Variants in NRXN1 observed in about 807,000 individuals in gnomAD.
NRXN1 encodes neurexin 1.
Under a neutral mutation model 150.9 loss-of-function variants are expected in NRXN1, and 39 were observed. The ratio of observed to expected loss-of-function variants is 0.26; its 90% CI spans 0.20 to 0.34. The LOEUF is 0.34. Ranked by LOEUF, NRXN1 falls within the 10% of genes least tolerant of loss-of-function variation. NRXN1 has a pLI of 1.00. For synonymous variants in NRXN1, 924 were observed against 757.0 expected (o/e 1.22, Z -3.62); for missense variants, 1,815 against 1,949.9 (o/e 0.93, Z 1.30).
At chr2:50,740,246 T>G (rs1397519758) in intron 5 of NRXN1, among the ~76,000 whole-genome samples, 1 of 152,160 alleles carries the variant, frequency 6.6e-6, no homozygotes, top group African/African-American at 2.4e-5. Flanking sequence ...ACCCTTCTAA[T>G]GCCTGTGACT....
intron 2 of NRXN1, among the ~76,000 whole-genome samples, chr2:50,984,850 A>G (rs1697436988): frequency 6.6e-6 from 1 of 152,036 alleles, no homozygotes; most frequent in Non-Finnish European, 1.5e-5. Context: ...ATTAGTTTGT[A>G]TTTACCCCAA....
chr2:50,128,962 G>A lies in NRXN1; in HGVS notation c.3547-37468C>T, dbSNP rs150940508. 3.6e-3 allele frequency among the ~76,000 whole-genome samples: 550 copies of A among 150,772 alleles called. 4 individuals carry two copies. The highest frequency in any genetic ancestry group is 0.012 in the African/African-American group (506 of 40,814). ...CACACCACTGCACTCCATCATGAGC[G>A]ACAAGAGTGAGACTCCATCTCAATA... On this transcript the variant is annotated intron_variant, in intron 18 of 22. Transcript: ENST00000401669.
intron 17 of NRXN1, among the ~76,000 whole-genome samples, chr2:50,395,998 T>C (rs991957155): frequency 6.6e-6 from 1 of 152,152 alleles, no homozygotes; most frequent in Non-Finnish European, 1.5e-5. Context: ...ATGTCTAGAG[T>C]ATCCTTACCA....
chr2:50,875,394 C>T lies in NRXN1; in HGVS notation c.832+46475G>A, dbSNP rs189085499. ...GTACACTCTCCAACCATGAGACAAT[C>T]CATCTAAAGATGAAAGATGAGTAAC... On this transcript the variant is annotated intron_variant, in intron 5 of 22. Transcript: ENST00000401669. Among the ~76,000 whole-genome samples the T allele has an allele frequency of 1.3e-4, 20 of 151,748 alleles. No homozygotes were observed. The East Asian group carries it at 3.9e-3, about 30-fold the overall frequency.
chr2:50,463,166 A>G (rs1223284365), intron 17 of NRXN1, among the ~76,000 whole-genome samples: 1 of 151,828 alleles, frequency 6.6e-6, no homozygotes, highest in African/African-American at 2.4e-5. Flanking sequence ...CTATTTGTGC[A>G]TCTTAGAGAA....
intron 5 of NRXN1, among the ~76,000 whole-genome samples, chr2:50,785,685 C>G (rs546308050): frequency 6.6e-6 from 1 of 152,202 alleles, no homozygotes; most frequent in Admixed American, 6.6e-5. Flanking sequence ...GAGAGAAAGT[C>G]TGAAGAAGCA....
chr2:50,236,685 C>G (rs2065466719), intron 18 of NRXN1, 104 bp downstream of exon 18: 3 of 965,536 alleles, frequency 3.1e-6, no homozygotes, highest in Non-Finnish European at 4.9e-6. Flanking sequence ...TAACAAAGTA[C>G]TGGTTTCTGG....
At chr2:50,349,064 G>A (rs1353993880) in intron 17 of NRXN1, among the ~76,000 whole-genome samples, 1 of 152,088 alleles carries the variant, frequency 6.6e-6, no homozygotes, top group African/African-American at 2.4e-5. Context: ...TCAACCATGG[G>A]ACTCTGATGC....
intron 5 of NRXN1, among the ~76,000 whole-genome samples, chr2:50,890,922 G>A (rs1296364809): frequency 6.6e-6 from 1 of 151,784 alleles, no homozygotes; most frequent in Non-Finnish European, 1.5e-5. Context: ...TCAACGTAAA[G>A]AATAAAATAA....
chr2:50,610,642 CATATATATAT>C lies in NRXN1; in HGVS notation c.1320+9370_1320+9379del, dbSNP rs71404969. ...GCCTGGCACATACTATAAATAGATA[CATATATATAT>C]ATATATATATATATATATATATATA... On this transcript the variant is annotated intron_variant, in intron 8 of 22. Coordinates refer to ENST00000401669, the MANE Select transcript of NRXN1 (RefSeq NM_001330078.2). Among the ~76,000 whole-genome samples, 392 of 42,878 alleles carry C rather than the reference CATATATATAT, an allele frequency of 9.1e-3. 21 individuals carry two copies. In the East Asian group the frequency reaches 0.11, roughly 12 times the overall value. The allele number at this position is 42,878 out of a possible 152,430, so 28.1% of individuals were successfully genotyped here.
At chr2:50,375,095 A>G (rs1319528058) in intron 17 of NRXN1, among the ~76,000 whole-genome samples, 1 of 152,166 alleles carries the variant, frequency 6.6e-6, no homozygotes, top group Non-Finnish European at 1.5e-5. Flanking sequence ...AACTATAGAT[A>G]TATTTTCTAT....
chr2:50,484,175 C>A (rs1415649928), intron 15 of NRXN1, among the ~76,000 whole-genome samples: 2 of 152,190 alleles, frequency 1.3e-5, no homozygotes, highest in African/African-American at 4.8e-5. Context: ...CACAAAAAAA[C>A]TTACAGACAT....
intron 18 of NRXN1, among the ~76,000 whole-genome samples, chr2:50,143,478 T>C (rs991538550): frequency 6.6e-6 from 1 of 151,976 alleles, no homozygotes; most frequent in African/African-American, 2.4e-5. Flanking sequence ...GATTTAAGTA[T>C]AATTAAAATC....
At chr2:50,828,181 G>A (rs1670763785) in intron 5 of NRXN1, among the ~76,000 whole-genome samples, 3 of 151,268 alleles carry the variant, frequency 2.0e-5, no homozygotes, top group African/African-American at 4.9e-5. Flanking sequence ...AGTAGGGGCG[G>A]CCGGGCAGAG....
chr2:50,822,116 T>A (rs1352922329), intron 5 of NRXN1, among the ~76,000 whole-genome samples: 1 of 152,106 alleles, frequency 6.6e-6, no homozygotes, highest in Non-Finnish European at 1.5e-5. Context: ...TTTTACCAAA[T>A]AAGAAAATAA....
chr2:50,049,390 T>G (rs1471877325), intron 21 of NRXN1, among the ~76,000 whole-genome samples: 5 of 152,072 alleles, frequency 3.3e-5, no homozygotes, highest in Non-Finnish European at 7.4e-5. Flanking sequence ...AACCTACTTA[T>G]TTTACAGAGG....
intron 18 of NRXN1, among the ~76,000 whole-genome samples, chr2:50,137,644 A>G (rs1463397725): frequency 1.3e-5 from 2 of 152,158 alleles, no homozygotes; most frequent in African/African-American, 2.4e-5. Context: ...ATAGCTCTCA[A>G]TTATTCATTT....
At chr2:50,882,727 T>C (rs1291335042) in intron 5 of NRXN1, among the ~76,000 whole-genome samples, 4 of 151,884 alleles carry the variant, frequency 2.6e-5, no homozygotes, top group African/African-American at 4.8e-5. Context: ...TTGAAATTCA[T>C]AGCATTTCTT....
intron 5 of NRXN1, among the ~76,000 whole-genome samples, chr2:50,702,446 A>T (rs1229766326): frequency 6.6e-6 from 1 of 152,134 alleles, no homozygotes; most frequent in Non-Finnish European, 1.5e-5. Context: ...CAAATAGCTC[A>T]GTTCTCTTTT....
Sources: gnomAD v4.1 joint callset for allele counts (sites outside exome capture counted in the v4.1 genomes callset) on GRCh38, gnomAD v4.1.1 for gene constraint, MANE v1.5 for transcripts, NCBI Gene and HGNC (gene_info 2026-07-23, HGNC 2026-07-21) for gene names.